Variants in PLD5 observed in about 807,000 individuals in gnomAD.
PLD5 encodes phospholipase D family member 5.
In PLD5, 36 loss-of-function variants were observed where a neutral mutation model predicts 61.1. That is an observed-to-expected ratio of 0.59 (90% CI 0.45 to 0.78). The LOEUF is 0.78. Among genes scored for constraint, PLD5 ranks in the 30% least tolerant of loss-of-function variants. PLD5 has a pLI of 0.00. For missense variants in PLD5, 515 were observed against 644.4 expected, an observed-to-expected ratio of 0.80 and a Z score of 2.17; for synonymous variants, 243 against 242.8, an observed-to-expected ratio of 1.00 and a Z score of -0.01.
intron 1 of PLD5, chr1:242,377,506 C>A: frequency 3.2e-6 from 2 of 633,250 alleles, no homozygotes; most frequent in Non-Finnish European, 5.7e-6. Context: ...CCAACAAAAG[C>A]CTCTGAGGTT....
intron 5 of PLD5, among the ~76,000 whole-genome samples, chr1:242,209,747 T>A (rs1574521489): frequency 6.6e-6 from 1 of 152,188 alleles, no homozygotes; most frequent in East Asian, 1.9e-4. Flanking sequence ...CATTGGTCTC[T>A]AAGTTTCAAG....
Position 242,446,990 on chromosome 1 carries a change from C to T in PLD5, c.189+77098G>A, listed in dbSNP as rs146486428. The stretch of plus-strand genomic sequence containing the variant: ...TTCAGAAAGCACAGAACTCTGTGTG[C>T]CTTTCCTCAATGCAACAGGGGTAGT... On this transcript the variant is annotated intron_variant, in intron 1 of 9. Transcript: ENST00000536534. 2.6e-5 allele frequency among the ~76,000 whole-genome samples: 4 copies of T among 152,250 alleles called. No homozygotes were observed. The East Asian group carries it at 7.7e-4, about 29-fold the overall frequency.
intron 2 of PLD5, among the ~76,000 whole-genome samples, chr1:242,338,487 T>C (rs1171684260): frequency 2.0e-5 from 3 of 151,992 alleles, no homozygotes; most frequent in African/African-American, 7.2e-5. Context: ...CACATTCAAA[T>C]TATCTCTTTG....
chr1:242,138,818 C>T (rs1663944178), intron 5 of PLD5, among the ~76,000 whole-genome samples: 1 of 152,138 alleles, frequency 6.6e-6, no homozygotes, highest in Admixed American at 6.6e-5. Context: ...TCTTTACACA[C>T]ACTGAAGGAC....
chr1:242,286,253 G>A (rs1307083617), intron 3 of PLD5, among the ~76,000 whole-genome samples: 1 of 152,158 alleles, frequency 6.6e-6, no homozygotes, highest in Non-Finnish European at 1.5e-5. Flanking sequence ...ATCCAGACCT[G>A]ATGCAAATAA....
At chr1:242,315,664 A>G (rs1185707690) in intron 2 of PLD5, among the ~76,000 whole-genome samples, 1 of 152,128 alleles carries the variant, frequency 6.6e-6, no homozygotes, top group African/African-American at 2.4e-5. Context: ...TTTTTAAGAA[A>G]AGGGATCTTG....
At chr1:242,517,549 C>T (rs548324424) in intron 1 of PLD5, among the ~76,000 whole-genome samples, 1 of 152,182 alleles carries the variant, frequency 6.6e-6, no homozygotes, top group African/African-American at 2.4e-5. Context: ...TGTTATGATA[C>T]ATTATCATTA....
chr1:242,485,492 G>A (rs1667928406), intron 1 of PLD5, among the ~76,000 whole-genome samples: 1 of 152,104 alleles, frequency 6.6e-6, no homozygotes, highest in Admixed American at 6.5e-5. Context: ...ACATACCTAG[G>A]AATCCAATTT....
intron 2 of PLD5, among the ~76,000 whole-genome samples, chr1:242,307,426 C>A (rs1215737049): frequency 2.6e-5 from 4 of 152,092 alleles, no homozygotes; most frequent in Non-Finnish European, 4.4e-5. Context: ...GCCCATAAGC[C>A]AAGTACTTTG....
At chr1:242,195,093 C>G (rs1445172738) in intron 5 of PLD5, among the ~76,000 whole-genome samples, 1 of 152,128 alleles carries the variant, frequency 6.6e-6, no homozygotes, top group Admixed American at 6.5e-5. Flanking sequence ...GAACTTGGAT[C>G]AACAATGGAA....
intron 5 of PLD5, among the ~76,000 whole-genome samples, chr1:242,151,191 C>A (rs1664901913): frequency 6.6e-6 from 1 of 151,834 alleles, no homozygotes; most frequent in African/African-American, 2.4e-5. Context: ...CATCGGTTAT[C>A]TTTTATAACA....
At chr1:242,480,108 A>C (rs1322105814) in intron 1 of PLD5, among the ~76,000 whole-genome samples, 1 of 152,092 alleles carries the variant, frequency 6.6e-6, no homozygotes, top group Non-Finnish European at 1.5e-5. Flanking sequence ...TGACTTCAAG[A>C]CATACTTTCA....
intron 5 of PLD5, among the ~76,000 whole-genome samples, chr1:242,204,810 GA>G (rs1228919715): frequency 6.6e-6 from 1 of 152,048 alleles, no homozygotes; most frequent in East Asian, 1.9e-4. Flanking sequence ...AAGGAGTAGG[GA>G]AAAAATCAAT....
At chr1:242,506,253 A>G (rs1010704650) in intron 1 of PLD5, among the ~76,000 whole-genome samples, 5 of 152,174 alleles carry the variant, frequency 3.3e-5, no homozygotes, top group East Asian at 1.9e-4. Context: ...TTAGTGATCT[A>G]TATCTAGGAA....
At chr1:242,425,204 T>C (rs938789390) in intron 1 of PLD5, among the ~76,000 whole-genome samples, 5 of 152,240 alleles carry the variant, frequency 3.3e-5, no homozygotes, top group Non-Finnish European at 5.9e-5. Flanking sequence ...CTAGGTGATT[T>C]TGTCCTTACA....
chr1:242,461,833 G>A (rs992554092), intron 1 of PLD5, among the ~76,000 whole-genome samples: 1 of 152,148 alleles, frequency 6.6e-6, no homozygotes, highest in African/African-American at 2.4e-5. Context: ...GCATTTCTCT[G>A]ATGATTAGAG....
Position 242,394,891 on chromosome 1 carries a change from TATATG to T in PLD5, c.190-46654_190-46650del, listed in dbSNP as rs1192455999. Reference sequence around the variant, plus strand: ...ATGAATATATATGAATATATGTATATATATGATTATATATGAATATATATGTATAT... The same window carrying T: ...ATGAATATATATGAATATATGTATATATTATATATGAATATATATGTATAT... On this transcript the variant is annotated intron_variant, in intron 1 of 9. Coordinates refer to ENST00000536534, the MANE Select transcript of PLD5 (RefSeq NM_001372062.1). 1.7e-5 allele frequency among the ~76,000 whole-genome samples: 2 copies of T among 114,378 alleles called. 1 individual carries two copies. The highest frequency in any genetic ancestry group is 3.4e-5 in the Non-Finnish European group (2 of 59,452). 75.0% of individuals were successfully genotyped at this position (114,378 alleles called of 152,430 possible). A position where few individuals can be genotyped will look rare whatever the true frequency, so the allele number is the denominator to read the frequency against.
At position 242,222,540 on chromosome 1, in the gene PLD5, G is replaced by C. The variant is rs529248030; in HGVS notation, c.608-2425C>G. On this transcript the variant is annotated intron_variant, in intron 4 of 9. Coordinates refer to ENST00000536534, the MANE Select transcript of PLD5 (RefSeq NM_001372062.1). The stretch of plus-strand genomic sequence containing the variant: ...GACACTGACTGGCCCTCATCTCCTG[G>C]CGTGGGACACTGTGTCTGAAACTCG... Among the ~76,000 whole-genome samples the C allele has an allele frequency of 1.4e-3, 218 of 152,250 alleles. 4 individuals are homozygous for C. The highest frequency in any genetic ancestry group is 5.1e-3 in the African/African-American group (211 of 41,552).
chr1:242,410,322 A>C (rs187993600), intron 1 of PLD5, among the ~76,000 whole-genome samples: 16 of 152,240 alleles, frequency 1.1e-4, no homozygotes, highest in African/African-American at 3.9e-4. Context: ...ACTCAAAGGA[A>C]CCTGTGGCTA....
Sources: gnomAD v4.1 joint callset for allele counts (sites outside exome capture counted in the v4.1 genomes callset) on GRCh38, gnomAD v4.1.1 for gene constraint, MANE v1.5 for transcripts, NCBI Gene and HGNC (gene_info 2026-07-23, HGNC 2026-07-21) for gene names.